Variants in PTPRN2 observed in about 807,000 individuals in gnomAD.
The protein encoded by PTPRN2 is receptor-type tyrosine-protein phosphatase N2.
Under a neutral mutation model 118.8 loss-of-function variants are expected in PTPRN2, and 74 were observed. The observed-to-expected ratio is 0.62, with a 90% CI of 0.52 to 0.76. The LOEUF is 0.76. Among genes scored for constraint, PTPRN2 ranks in the 30% least tolerant of loss-of-function variants. PTPRN2 has a pLI of 0.00. For missense variants in PTPRN2, 1,481 were observed against 1,394.4 expected, an observed-to-expected ratio of 1.06 and a Z score of -0.99; for synonymous variants, 641 against 608.0, an observed-to-expected ratio of 1.05 and a Z score of -0.80.
chr7:158,398,143 T>C (rs558026474), intron 2 of PTPRN2, among the ~76,000 whole-genome samples: 3 of 152,234 alleles, frequency 2.0e-5, no homozygotes, highest in Admixed American at 6.5e-5. Context: ...TCAACCAGAC[T>C]AGCAACCCGT....
At chr7:157,724,863 T>C (rs1799438408) in intron 12 of PTPRN2, among the ~76,000 whole-genome samples, 1 of 152,222 alleles carries the variant, frequency 6.6e-6, no homozygotes, top group African/African-American at 2.4e-5. Context: ...CCATGAATCA[T>C]GCTTCTTCTT....
At chr7:158,564,315 A>C (rs1827549847) in intron 1 of PTPRN2, among the ~76,000 whole-genome samples, 1 of 152,254 alleles carries the variant, frequency 6.6e-6, no homozygotes, top group Non-Finnish European at 1.5e-5. Flanking sequence ...ACATGTGTGC[A>C]AGTAAGTTTG....
intron 3 of PTPRN2, among the ~76,000 whole-genome samples, chr7:158,244,600 TTG>T (rs1199073679): frequency 1.3e-5 from 2 of 151,902 alleles, no homozygotes; most frequent in Admixed American, 6.6e-5. Flanking sequence ...TTTGTCTGAG[TTG>T]TGTGTACAAG....
At chr7:157,954,585 C>T (rs927215482) in intron 11 of PTPRN2, among the ~76,000 whole-genome samples, 14 of 146,276 alleles carry the variant, frequency 9.6e-5, no homozygotes, top group African/African-American at 3.1e-4. Context: ...TGCCTGTGTA[C>T]TGTGTGTGGT....
chr7:158,412,632 C>T (rs35032766), intron 2 of PTPRN2, among the ~76,000 whole-genome samples: 56,998 of 58,942 alleles, frequency 0.97, 27,625 homozygotes, highest in African/African-American at 0.99. Context: ...CCAGGGCCCA[C>T]CTCAGCACCC....
intron 3 of PTPRN2, among the ~76,000 whole-genome samples, chr7:158,290,784 T>C (rs898843923): frequency 1.3e-5 from 2 of 152,184 alleles, no homozygotes; most frequent in Non-Finnish European, 2.9e-5. Context: ...CCAGGTGCTA[T>C]CACCTCTCAC....
Position 157,962,241 on chromosome 7 carries a change from TTG to T in PTPRN2, c.1724-63506_1724-63505del, listed in dbSNP as rs541119538. On this transcript the variant is annotated intron_variant, in intron 11 of 22. Transcript: ENST00000389418. ...TATTAGCATAAACGATTACAAATATTTGTGTGTTTCCTGGTCGATGAAAACAC... is the reference window on the plus strand; with the variant it reads ...TATTAGCATAAACGATTACAAATATTTGTGTTTCCTGGTCGATGAAAACAC... Among the ~76,000 whole-genome samples, 374 of 152,344 alleles carry T rather than the reference TTG, an allele frequency of 2.5e-3. 4 individuals carry two copies. Among genetic ancestry groups the T allele is most frequent in the Non-Finnish European group, 2.9e-4 (20 of 68,022 alleles).
At chr7:157,680,327 T>G (rs1796859333) in intron 13 of PTPRN2, among the ~76,000 whole-genome samples, 2 of 152,178 alleles carry the variant, frequency 1.3e-5, no homozygotes, top group African/African-American at 4.8e-5. Context: ...AATACATTAA[T>G]GCGAGAAGAC....
In PTPRN2 at chr7:158,015,767, A is replaced by G. The variant is rs1347970413; in HGVS notation, c.1723+65531T>C. Among the ~76,000 whole-genome samples the G allele has an allele frequency of 1.3e-5, 2 of 152,236 alleles. No individual in the cohort carries two copies. The highest frequency in any genetic ancestry group is 1.9e-4 in the East Asian group (1 of 5,196). On this transcript the variant is annotated intron_variant, in intron 11 of 22. Coordinates refer to ENST00000389418, the MANE Select transcript of PTPRN2 (RefSeq NM_002847.5). This position sits in a 1 kb window ranked among gnomAD's most constrained non-coding sequence, Gnocchi z 4.2. ...ATCACAAACATGTCTGTCTATTACA[A>G]TTGTCTAATGGTCCCAGGTCCAACA...
intron 12 of PTPRN2, among the ~76,000 whole-genome samples, chr7:157,759,475 G>A (rs887171908): frequency 6.6e-6 from 1 of 152,262 alleles, no homozygotes; most frequent in Non-Finnish European, 1.5e-5. Flanking sequence ...GGCGTGTCCA[G>A]TGTCAGCTCC....
At chr7:158,272,580 G>A (rs562687890) in intron 3 of PTPRN2, among the ~76,000 whole-genome samples, 18 of 152,264 alleles carry the variant, frequency 1.2e-4, no homozygotes, top group Admixed American at 2.6e-4. Context: ...GACACCGCAC[G>A]CGGCCCACCT....
At chr7:157,806,481 A>G (rs892740612) in intron 12 of PTPRN2, among the ~76,000 whole-genome samples, 1 of 152,196 alleles carries the variant, frequency 6.6e-6, no homozygotes, top group Admixed American at 6.5e-5. Context: ...TGTCTGGTAT[A>G]TATGTATATG....
chr7:158,019,883 G>A (rs965783520), intron 11 of PTPRN2, among the ~76,000 whole-genome samples: 5 of 152,352 alleles, frequency 3.3e-5, no homozygotes, highest in Non-Finnish European at 4.4e-5. Flanking sequence ...CCCGGCATCC[G>A]CAGGACACGG....
At chr7:157,633,280 A>G (rs2150674571) in intron 14 of PTPRN2, among the ~76,000 whole-genome samples, 1 of 152,152 alleles carries the variant, frequency 6.6e-6, no homozygotes, top group South Asian at 2.1e-4. Flanking sequence ...AGCTAGGACT[A>G]CAGGTGCAAA....
rs780374490 is a variant in PTPRN2, at chr7:158,170,532, T to C, written c.550-3241A>G. ...TTTTGGTTTATGTTCTGAATCAAAT[T>C]AAGGTGAAGAGGAAAAAGAATATTT... is the stretch of plus-strand genomic sequence containing the variant. On this transcript the variant is annotated intron_variant, in intron 5 of 22. Transcript: ENST00000389418. Among the ~76,000 whole-genome samples the C allele has an allele frequency of 2.0e-5, 3 of 152,340 alleles. No individual in the cohort carries two copies. In the South Asian group the frequency reaches 6.2e-4, roughly 32 times the overall value.
chr7:157,712,142 G>T (rs73516851), intron 12 of PTPRN2, among the ~76,000 whole-genome samples: 4 of 144,932 alleles, frequency 2.8e-5, no homozygotes, highest in South Asian at 2.1e-4. Context: ...GGCTGGGGGC[G>T]GCCAGTCCTA....
At chr7:158,537,885 G>A (rs1198554164) in intron 1 of PTPRN2, among the ~76,000 whole-genome samples, 2 of 152,214 alleles carry the variant, frequency 1.3e-5, no homozygotes, top group Admixed American at 6.5e-5. Flanking sequence ...TCCTTTCCCT[G>A]TAATATTTGC....
At chr7:158,370,075 A>T (rs952263659) in intron 2 of PTPRN2, among the ~76,000 whole-genome samples, 2 of 152,126 alleles carry the variant, frequency 1.3e-5, no homozygotes, top group East Asian at 3.9e-4. Flanking sequence ...CGAGGTGATC[A>T]ACACTGCAGG....
At chr7:158,562,683 G>A (rs756131007) in intron 1 of PTPRN2, among the ~76,000 whole-genome samples, 1 of 152,190 alleles carries the variant, frequency 6.6e-6, no homozygotes, top group Non-Finnish European at 1.5e-5. Flanking sequence ...GAAGCCCTGT[G>A]TGCTTGCTTG....
Sources: gnomAD v4.1 joint callset for allele counts (sites outside exome capture counted in the v4.1 genomes callset) on GRCh38, gnomAD v4.1.1 for gene constraint, Gnocchi (gnomAD v3.1) non-coding constraint, MANE v1.5 for transcripts, NCBI Gene and HGNC (gene_info 2026-07-23, HGNC 2026-07-21) for gene names.